Variants in ZNF746 observed in about 807,000 individuals in gnomAD.
The protein encoded by ZNF746 is parkin-interacting substrate.
In ZNF746, 13 loss-of-function variants were observed where a neutral mutation model predicts 41.0. The ratio of observed to expected loss-of-function variants is 0.32; its 90% CI spans 0.21 to 0.50. The LOEUF is 0.50. Among genes scored for constraint, ZNF746 ranks in the 20% least tolerant of loss-of-function variants. ZNF746 has a pLI of 0.98. For synonymous variants in ZNF746, 424 were observed against 396.2 expected (o/e 1.07, Z -0.83); for missense variants, 811 against 922.9 (o/e 0.88, Z 1.57).
At chr7:149,496,907 T>C (rs2116508565) in intron 1 of ZNF746, 1 of 985,412 alleles carries the variant, frequency 1.0e-6, no homozygotes. Context: ...TGGGTAAGCC[T>C]GGGCAAGTTA....
chr7:149,495,600 A>G (rs1001020475), intron 1 of ZNF746, among the ~76,000 whole-genome samples: 2 of 152,218 alleles, frequency 1.3e-5, no homozygotes, highest in African/African-American at 2.4e-5. Context: ...GCCTCCTTAC[A>G]ACATTCTGCA....
rs556757066 is a variant in ZNF746, at chr7:149,492,802, C to T, written c.565+57G>A. On this transcript the variant is annotated intron_variant, in intron 4 of 6. Transcript: ENST00000458143. ...AAAGATCACACCCTTTCTGGCCTTT[C>T]CGTCTCTGTTTCCTGCACAATACCT... 9.2e-4 allele frequency: 1,149 copies of T among 1,254,260 alleles called. 3 individuals carry two copies. In the Middle Eastern group the frequency reaches 9.4e-3, roughly 10 times the overall value. 77.7% of individuals were successfully genotyped at this position (1,254,260 alleles called of 1,614,324 possible). A position where few individuals can be genotyped will look rare whatever the true frequency, so the allele number is the denominator to read the frequency against.
At chr7:149,475,568 T>C in intron 6 of ZNF746, 85 bp from the exon 7 acceptor site, 1 of 1,524,178 alleles carries the variant, frequency 6.6e-7, no homozygotes, top group Non-Finnish European at 8.8e-7. Context: ...GCTCAGCAGC[T>C]GCCTGGCCAG....
Position 149,473,261 on chromosome 7 carries a change from A to T in ZNF746, c.*1123T>A, listed in dbSNP as rs1302272493. On this transcript the variant is annotated 3_prime_UTR_variant, in exon 7 of 7. Coordinates refer to ENST00000458143, the MANE Select transcript of ZNF746 (RefSeq NM_001394198.1). ...ACTGGACTCTTGTCGGTGTGGGACA[A>T]ATATTTTAAGAGGGAAAACCTGGAA... is the stretch of plus-strand genomic sequence containing the variant. The T allele has an allele frequency of 6.6e-6, 1 of 152,096 alleles. No individual in the cohort carries two copies. The allele number at this position is 152,096 out of a possible 1,614,324, so 9.4% of individuals were successfully genotyped here. A position where few individuals can be genotyped will look rare whatever the true frequency, so the allele number is the denominator to read the frequency against.
In ZNF746 at chr7:149,494,980, G is replaced by C. The variant is rs1306260476; in HGVS notation, c.25-477C>G. 6.6e-6 allele frequency among the ~76,000 whole-genome samples: 1 copy of C among 151,892 alleles called. No homozygotes were observed. Among genetic ancestry groups the C allele is most frequent in the Non-Finnish European group, 1.5e-5 (1 of 67,984 alleles). On this transcript the variant is annotated intron_variant, in intron 1 of 6. Transcript: ENST00000458143. The surrounding 1 kb of genome is among the most constrained non-coding windows in gnomAD (Gnocchi z 5.6). ...GATTACACAGGAACTGTCTACTGAT[G>C]ATGACCCAGCAAAAAAAACAGCTGG... is the stretch of plus-strand genomic sequence containing the variant.
At position 149,494,144 on chromosome 7, in the gene ZNF746, C is replaced by A; in HGVS notation, c.325-29G>T. 1 of 1,614,100 alleles carries A rather than the reference C, an allele frequency of 6.2e-7. No individual in the cohort carries two copies. The highest frequency in any genetic ancestry group is 8.5e-7 in the Non-Finnish European group (1 of 1,179,956). On this transcript the variant is annotated intron_variant, in intron 2 of 6. Transcript: ENST00000458143. This position sits in a 1 kb window ranked among gnomAD's most constrained non-coding sequence, Gnocchi z 5.6. ...GAACCACAAGTGTCACACTCGCTCA[C>A]CCACACGCTCACGGGTTTGGCCGCT...
chr7:149,493,923 T>C, intron 3 of ZNF746, 66 bp downstream of exon 3: 4 of 1,612,948 alleles, frequency 2.5e-6, no homozygotes, highest in Non-Finnish European at 1.7e-6. Flanking sequence ...AAAACAACTA[T>C]GTGGAGGGAG....
At chr7:149,477,787 A>G in intron 4 of ZNF746, 32 bp from the exon 5 acceptor site, 1 of 1,554,250 alleles carries the variant, frequency 6.4e-7, no homozygotes, top group Non-Finnish European at 8.8e-7. Flanking sequence ...AGGATACAGC[A>G]TCACGGCCCC....
In ZNF746 at chr7:149,475,337, C is replaced by A. The variant is rs781170298; in HGVS notation, c.1030G>T (p.Ala344Ser). The A allele has an allele frequency of 1.5e-5, 24 of 1,614,030 alleles. No homozygotes were observed. The Admixed American group carries it at 2.5e-4, about 17-fold the overall frequency. ...AAGGAGCTGCCCTGGCTTTCCCAGG[C>A]TCCTTCCTGGGCAGGACTAGGGAAG... ...RFFPSPAQEG[A>S]WESQGSSFPS... Residue 344 changes from alanine (A) to serine (S), a missense_variant, in exon 7 of 7, where the codon GCC becomes TCC. Coordinates refer to ENST00000458143, the MANE Select transcript of ZNF746 (RefSeq NM_001394198.1).
rs1483582866 is a variant in ZNF746 at position 149,474,871 on chromosome 7, G to A, written c.1496C>T (p.Pro499Leu). Residue 499 changes from proline to leucine, a missense_variant, in exon 7 of 7, where the codon CCG (proline) becomes CTG (leucine). Pro to Leu is a moderately conservative substitution (Grantham distance 98). This residue lies in a region of ZNF746 where 495 missense variants were observed against 481.6 expected (regional missense o/e 1.03). Transcript: ENST00000458143. This position sits in a 1 kb window ranked among gnomAD's most constrained non-coding sequence, Gnocchi z 6.3. The stretch of plus-strand genomic sequence containing the variant: ...GCCGCTGCCGCCACCGCCTGTGCCC[G>A]GGCCCGACCCGTCGGGCGCCCCACA... The part of the protein sequence containing the change: ...RSCGAPDGSG[P>L]GTGGGGSGSG... 7.4e-6 allele frequency: 11 copies of A among 1,489,516 alleles called. No individual in the cohort carries two copies. The highest frequency in any genetic ancestry group is 5.5e-5 in the East Asian group (2 of 36,372). The allele number at this position is 1,489,516 out of a possible 1,614,324, so 92.3% of individuals were successfully genotyped here. A position where few individuals can be genotyped will look rare whatever the true frequency, so the allele number is the denominator to read the frequency against.
At position 149,483,240 on chromosome 7, in the gene ZNF746, T is replaced by A. The variant is rs77740475; in HGVS notation, c.566-5485A>T. The stretch of plus-strand genomic sequence containing the variant: ...CTGGAACCCAATATTAATGAAAATA[T>A]TATCTATCAAAATGTATGGGCTACA... On this transcript the variant is annotated intron_variant, in intron 4 of 6. Transcript: ENST00000458143. Among the ~76,000 whole-genome samples the A allele has an allele frequency of 0.016, 2,395 of 152,270 alleles. 131 individuals are homozygous for A. The East Asian group carries it at 0.2, about 12-fold the overall frequency.
rs755760240 is a variant in ZNF746 at position 149,477,569 on chromosome 7, G to A, written c.752C>T (p.Thr251Ile). 2.5e-6 allele frequency: 4 copies of A among 1,603,898 alleles called. No homozygotes were observed. Among genetic ancestry groups the A allele is most frequent in the African/African-American group, 2.7e-5 (2 of 74,776 alleles). The change falls in exon 5 of 7, where the codon ACC becomes ATC. Residue 251 changes from threonine to isoleucine, a missense_variant. Coordinates refer to ENST00000458143, the MANE Select transcript of ZNF746 (RefSeq NM_001394198.1). ...TCCCCGTCTCAGCCACTTACCAGAG[G>A]TGGCATCCGTGGAGATGTCTCCTGC... ...SGAGDISTDA[T>I]SGVHSNFSTT...
Position 149,497,609 on chromosome 7 carries a change from G to A in ZNF746, c.-73C>T. 2.0e-6 allele frequency: 2 copies of A among 1,012,610 alleles called. No individual in the cohort carries two copies. The highest frequency in any genetic ancestry group is 2.4e-6 in the Non-Finnish European group (2 of 847,360). 62.7% of individuals were successfully genotyped at this position (1,012,610 alleles called of 1,614,324 possible). On this transcript the variant is annotated 5_prime_UTR_variant, in exon 1 of 7. Coordinates refer to ENST00000458143, the MANE Select transcript of ZNF746 (RefSeq NM_001394198.1). The surrounding 1 kb of genome is among the most constrained non-coding windows in gnomAD (Gnocchi z 4.2). ...GCCGCGCGCGGCACCACGCAGGCCC[G>A]GCCGCCCGGTGCTCTCCGCAGGCGG...
intron 4 of ZNF746, 110 bp from the exon 5 acceptor site, chr7:149,477,865 C>T: frequency 1.1e-6 from 1 of 885,004 alleles, no homozygotes; most frequent in Non-Finnish European, 1.6e-6. Flanking sequence ...GGTCCAACAG[C>T]AAAAGAGCCT....
At position 149,494,234 on chromosome 7, in the gene ZNF746, C is replaced by T; in HGVS notation, c.294G>A (p.Leu98=). 1.2e-6 allele frequency: 2 copies of T among 1,614,166 alleles called. No homozygotes were observed. Among genetic ancestry groups the T allele is most frequent in the African/African-American group, 2.7e-5 (2 of 75,052 alleles). Residue 98 remains leucine, a synonymous_variant, in exon 2 of 7, where the codon CTG becomes CTA. Coordinates refer to ENST00000458143, the MANE Select transcript of ZNF746 (RefSeq NM_001394198.1). The surrounding 1 kb of genome is among the most constrained non-coding windows in gnomAD (Gnocchi z 5.6). Reference sequence around the variant, plus strand: ...GGGACTCCCCCTTGCTGCCCGGGGGCAGCCGCAGGATCCAGAAGTTCCTGT... The same window carrying T: ...GGGACTCCCCCTTGCTGCCCGGGGGTAGCCGCAGGATCCAGAAGTTCCTGT... The part of the protein sequence containing the change: ...LRNRNFWILR[L]PPGSKGESPK...
intron 1 of ZNF746, among the ~76,000 whole-genome samples, chr7:149,496,304 G>A (rs368101756): frequency 6.6e-6 from 1 of 152,302 alleles, no homozygotes; most frequent in Admixed American, 6.5e-5. Flanking sequence ...GTGGGAGGTG[G>A]CGACTGTGCG....
chr7:149,475,485 T>C lies in ZNF746; in HGVS notation c.884-2A>G, dbSNP rs746387593. 5.0e-6 allele frequency: 8 copies of C among 1,609,924 alleles called. No homozygotes were observed. Among genetic ancestry groups the C allele is most frequent in the Non-Finnish European group, 5.9e-6 (7 of 1,177,360 alleles). ...TTTTTATTACAATTTTTACATCTGC[T>C]GAGAAAGACAGAAAGACAGATACTG... On this transcript the variant is annotated splice_acceptor_variant, in intron 6 of 6. Transcript: ENST00000458143. LOFTEE classifies it high-confidence loss of function.
rs1026524382 is a variant in ZNF746, at chr7:149,497,197, G to T, written c.24+316C>A. On this transcript the variant is annotated intron_variant, in intron 1 of 6. Coordinates refer to ENST00000458143, the MANE Select transcript of ZNF746 (RefSeq NM_001394198.1). The surrounding 1 kb of genome is among the most constrained non-coding windows in gnomAD (Gnocchi z 4.2). ...CCAGGCAGAGAAAGGAGCCGCGGGT[G>T]GGGGGGCACCCAGAAGGAGGGGACA... 30 of 984,596 alleles carry T rather than the reference G, an allele frequency of 3.0e-5. No individual in the cohort carries two copies. The highest frequency in any genetic ancestry group is 2.8e-4 in the South Asian group (6 of 21,272). The allele number at this position is 984,596 out of a possible 1,614,324, so 61.0% of individuals were successfully genotyped here.
chr7:149,474,230 GAT>G lies in ZNF746; in HGVS notation c.*152_*153del. ...TTTAGAGGTGGCAGCTGTCCTGGTGGATAGTTTCTCTTTCTCCAGTGATCATC... is the reference window on the plus strand; with the variant it reads ...TTTAGAGGTGGCAGCTGTCCTGGTGGAGTTTCTCTTTCTCCAGTGATCATC... On this transcript the variant is annotated 3_prime_UTR_variant, in exon 7 of 7. Transcript: ENST00000458143. This position sits in a 1 kb window ranked among gnomAD's most constrained non-coding sequence, Gnocchi z 6.3. 2.4e-6 allele frequency: 2 copies of G among 834,266 alleles called. No homozygotes were observed. Among genetic ancestry groups the G allele is most frequent in the East Asian group, 5.3e-5 (2 of 37,390 alleles). 51.7% of individuals were successfully genotyped at this position (834,266 alleles called of 1,614,324 possible).
Sources: gnomAD v4.1 joint callset for allele counts (sites outside exome capture counted in the v4.1 genomes callset) on GRCh38, gnomAD v4.1.1 for gene constraint, gnomAD v4.1.1 regional missense constraint, Gnocchi (gnomAD v3.1) non-coding constraint, MANE v1.5 for transcripts, NCBI Gene and HGNC (gene_info 2026-07-23, HGNC 2026-07-21) for gene names.